LRP1B: variants seen among roughly 807,000 people sequenced by gnomAD.
The protein encoded by LRP1B is low-density lipoprotein receptor-related protein 1B.
In LRP1B, 217 loss-of-function variants were observed where a neutral mutation model predicts 556.6. The ratio of observed to expected loss-of-function variants is 0.39; its 90% CI spans 0.35 to 0.44. The LOEUF (loss-of-function observed/expected upper bound fraction) is 0.44. Among genes scored for constraint, LRP1B ranks in the 20% least tolerant of loss-of-function variants. The pLI is 1.00. For missense variants in LRP1B, 5,053 were observed against 5,620.8 expected, an observed-to-expected ratio of 0.90 and a Z score of 3.23; for synonymous variants, 2,047 against 1,865.8, an observed-to-expected ratio of 1.10 and a Z score of -2.50.
At chr2:141,483,778 T>C (rs1378684716) in intron 2 of LRP1B, among the ~76,000 whole-genome samples, 1 of 151,976 alleles carries the variant, frequency 6.6e-6, no homozygotes, top group Non-Finnish European at 1.5e-5. Context: ...GAAGTGTCTG[T>C]TCATATCCTT....
intron 2 of LRP1B, among the ~76,000 whole-genome samples, chr2:141,754,355 A>G (rs888985773): frequency 2.0e-5 from 3 of 152,168 alleles, no homozygotes; most frequent in African/African-American, 4.8e-5. Context: ...GTAATTTTAA[A>G]AATATTACAG....
In LRP1B at chr2:140,716,548, A is replaced by C. The variant is rs1218796970; in HGVS notation, c.5893+134T>G. 8.3e-6 allele frequency: 7 copies of C among 843,926 alleles called. No homozygotes were observed. The Admixed American group carries it at 1.8e-4, about 22-fold the overall frequency. The allele number at this position is 843,926 out of a possible 1,614,324, so 52.3% of individuals were successfully genotyped here. A position where few individuals can be genotyped will look rare whatever the true frequency, so the allele number is the denominator to read the frequency against. ...TAGAAGGAGCGAAGCCAAAAGCAAA[A>C]GAGACTATTTACCCCTGTGGCTAGA... On this transcript the variant is annotated intron_variant, in intron 36 of 90. Transcript: ENST00000389484.
chr2:141,091,268 T>C (rs546857712), intron 7 of LRP1B, among the ~76,000 whole-genome samples: 124 of 152,142 alleles, frequency 8.2e-4, no homozygotes, highest in African/African-American at 3.0e-3. Flanking sequence ...TATTGGAAGG[T>C]TTTGAGTAGA....
At chr2:140,248,679 T>C (rs1681275824) in intron 86 of LRP1B, among the ~76,000 whole-genome samples, 1 of 151,646 alleles carries the variant, frequency 6.6e-6, no homozygotes, top group African/African-American at 2.4e-5. Flanking sequence ...TTGTTTTTTC[T>C]TTTTAATTTG....
chr2:141,709,664 T>C (rs1692283455), intron 2 of LRP1B, among the ~76,000 whole-genome samples: 1 of 152,140 alleles, frequency 6.6e-6, no homozygotes, highest in African/African-American at 2.4e-5. Context: ...TGAGAGTAGA[T>C]TGATAAAATA....
At chr2:140,671,336 C>G (rs1053972380) in intron 41 of LRP1B, among the ~76,000 whole-genome samples, 2 of 152,058 alleles carry the variant, frequency 1.3e-5, no homozygotes, top group Non-Finnish European at 2.9e-5. Flanking sequence ...CTGGCTAACA[C>G]GGTGAAACCC....
At chr2:141,697,626 T>C (rs1328625854) in intron 2 of LRP1B, among the ~76,000 whole-genome samples, 2 of 151,958 alleles carry the variant, frequency 1.3e-5, no homozygotes, top group Non-Finnish European at 1.5e-5. Context: ...ATGGAACTTG[T>C]ATACCAGGAT....
chr2:140,399,894 C>A (rs546081354), intron 66 of LRP1B, among the ~76,000 whole-genome samples: 1 of 152,166 alleles, frequency 6.6e-6, no homozygotes, highest in Non-Finnish European at 1.5e-5. Flanking sequence ...CACACTTAGA[C>A]AGTCTTTGGT....
At chr2:140,239,623 A>G in intron 87 of LRP1B, 91 bp from the exon 88 acceptor site, 1 of 724,722 alleles carries the variant, frequency 1.4e-6, no homozygotes, top group Non-Finnish European at 2.2e-6. Flanking sequence ...AAATCACTTG[A>G]CCATTGATAT....
chr2:141,948,122 A>G (rs1464904600), intron 1 of LRP1B, among the ~76,000 whole-genome samples: 2 of 151,552 alleles, frequency 1.3e-5, no homozygotes, highest in Non-Finnish European at 2.9e-5. Flanking sequence ...ACATGGTGAA[A>G]CCCCCTCTCT....
At chr2:140,362,927 CA>C (rs1377438440) in intron 72 of LRP1B, among the ~76,000 whole-genome samples, 1 of 151,450 alleles carries the variant, frequency 6.6e-6, no homozygotes, top group African/African-American at 2.4e-5. Context: ...ATTATATCAC[CA>C]AAATAATCAT....
chr2:141,981,978 G>C (rs1193454490), intron 1 of LRP1B, among the ~76,000 whole-genome samples: 1 of 152,106 alleles, frequency 6.6e-6, no homozygotes, highest in Non-Finnish European at 1.5e-5. Flanking sequence ...CTGAAAGACA[G>C]AATGGAGCAG....
In LRP1B at chr2:140,516,223, T is replaced by C. The variant is rs540156475; in HGVS notation, c.8149+666A>G. ...TCCACATCTGTGCCTTTAATATCCA[T>C]GGATTCAACAAACTACACATCAGAA... On this transcript the variant is annotated intron_variant, in intron 50 of 90. Transcript: ENST00000389484. Among the ~76,000 whole-genome samples the C allele has an allele frequency of 8.5e-5, 13 of 152,126 alleles. No individual in the cohort carries two copies. The East Asian group carries it at 1.2e-3, about 14-fold the overall frequency.
intron 3 of LRP1B, among the ~76,000 whole-genome samples, chr2:141,409,114 T>C (rs1457137166): frequency 2.0e-5 from 3 of 152,130 alleles, no homozygotes; most frequent in African/African-American, 7.2e-5. Context: ...AACACAAATA[T>C]GGTATACTAA....
intron 43 of LRP1B, among the ~76,000 whole-genome samples, chr2:140,573,081 C>T (rs755914044): frequency 1.3e-5 from 2 of 151,676 alleles, no homozygotes; most frequent in Admixed American, 1.3e-4. Context: ...TGTTCTATAG[C>T]ACTGTAGGGT....
At chr2:140,863,592 C>G (rs1209322884) in intron 27 of LRP1B, among the ~76,000 whole-genome samples, 1 of 152,082 alleles carries the variant, frequency 6.6e-6, no homozygotes, top group Admixed American at 6.6e-5. Context: ...CCAATCTTGT[C>G]TCTGATTTAT....
chr2:141,112,072 A>ACATAATAAATAAATAC, intron 7 of LRP1B, among the ~76,000 whole-genome samples: 1 of 13,976 alleles, frequency 7.2e-5, no homozygotes, highest in African/African-American at 1.4e-4. Flanking sequence ...ATAAATAAAT[A>ACATAATAAATAAATAC]ATAAATAAAT....
intron 60 of LRP1B, 88 bp from the exon 61 acceptor site, chr2:140,457,739 T>C: frequency 9.6e-7 from 1 of 1,046,470 alleles, no homozygotes; most frequent in South Asian, 1.6e-5. Flanking sequence ...CAGATACAAC[T>C]GCTACATAAC....
intron 1 of LRP1B, among the ~76,000 whole-genome samples, chr2:141,822,623 A>T (rs1331862965): frequency 1.3e-5 from 2 of 152,126 alleles, no homozygotes; most frequent in Non-Finnish European, 2.9e-5. Context: ...CCTATCTATT[A>T]TGCTGTGTTT....
Sources: gnomAD v4.1 joint callset for allele counts (sites outside exome capture counted in the v4.1 genomes callset) on GRCh38, gnomAD v4.1.1 for gene constraint, MANE v1.5 for transcripts, NCBI Gene and HGNC (gene_info 2026-07-23, HGNC 2026-07-21) for gene names.